SDK2: variants seen among roughly 807,000 people sequenced by gnomAD.
The protein encoded by SDK2 is protein sidekick-2.
Under a neutral mutation model 253.9 loss-of-function variants are expected in SDK2, and 105 were observed. The observed-to-expected ratio is 0.41, with a 90% CI of 0.35 to 0.49. The LOEUF (loss-of-function observed/expected upper bound fraction) is 0.49. Ranked by LOEUF, SDK2 falls within the 20% of genes least tolerant of loss-of-function variation. The probability of loss-of-function intolerance (pLI) is 0.06; values close to 1 mark genes in which losing one functional copy is unlikely to be tolerated. For missense variants in SDK2, 2,608 were observed against 3,003.0 expected (o/e 0.87, Z 3.07); for synonymous variants, 1,249 against 1,234.9 (o/e 1.01, Z -0.24).
At chr17:73,630,987 C>T (rs2046262086) in intron 1 of SDK2, among the ~76,000 whole-genome samples, 2 of 152,124 alleles carry the variant, frequency 1.3e-5, no homozygotes, top group Admixed American at 6.5e-5. Context: ...CCAACACCTC[C>T]CTTCTCTGTC....
At chr17:73,499,555 A>T (rs1041990124) in intron 2 of SDK2, among the ~76,000 whole-genome samples, 1 of 152,214 alleles carries the variant, frequency 6.6e-6, no homozygotes, top group African/African-American at 2.4e-5. Flanking sequence ...TCCTGCCTTC[A>T]TGGCCCCCGG....
rs35288553 is a variant in SDK2 at position 73,483,707 on chromosome 17, A to ATTT, written c.225-11492_225-11490dup. ...TTTATATATATATATATATATATATATTTTTTTTTTTTTTTAGTAGAGTTG... is the reference window on the plus strand; with the variant it reads ...TTTATATATATATATATATATATATATTTTTTTTTTTTTTTTTTAGTAGAGTTG... On this transcript the variant is annotated intron_variant, in intron 2 of 44. Transcript: ENST00000392650. Among the ~76,000 whole-genome samples the ATTT allele has an allele frequency of 4.0e-4, 26 of 64,276 alleles. 1 individual carries two copies. The highest frequency in any genetic ancestry group is 4.9e-4 in the Non-Finnish European group (18 of 37,002). 42.2% of individuals were successfully genotyped at this position (64,276 alleles called of 152,430 possible).
chr17:73,594,205 T>C lies in SDK2; in HGVS notation c.64+49820A>G, dbSNP rs117471305. Among the ~76,000 whole-genome samples, 386 of 152,214 alleles carry C rather than the reference T, an allele frequency of 2.5e-3. 6 individuals carry two copies. The South Asian group carries it at 0.036, about 14-fold the overall frequency. ...AGTGTTGGACAGCGGGAAGGCGGCA[T>C]TGATGGGGATTCGTGGGCTGTAGGG... On this transcript the variant is annotated intron_variant, in intron 1 of 44. Coordinates refer to ENST00000392650, the MANE Select transcript of SDK2 (RefSeq NM_001144952.2).
chr17:73,431,693 T>G lies in SDK2; in HGVS notation c.1313-24A>C, dbSNP rs1599560015. On this transcript the variant is annotated intron_variant, in intron 10 of 44. Transcript: ENST00000392650. This position sits in a 1 kb window ranked among gnomAD's most constrained non-coding sequence, Gnocchi z 5.6. ...CCCTGAGGGCAAAACAGGGTGGGGG[T>G]CAGCCTGTAGCCCCCAAGGGCACAC... is the stretch of plus-strand genomic sequence containing the variant. The G allele has an allele frequency of 5.7e-6, 9 of 1,579,538 alleles. No individual in the cohort carries two copies. Among genetic ancestry groups the G allele is most frequent in the Non-Finnish European group, 7.7e-6 (9 of 1,162,020 alleles).
In SDK2 at chr17:73,398,319, C is replaced by T; in HGVS notation, c.3203+1G>A. 3.1e-6 allele frequency: 5 copies of T among 1,612,802 alleles called. No homozygotes were observed. The highest frequency in any genetic ancestry group is 4.2e-6 in the Non-Finnish European group (5 of 1,178,998). On this transcript the variant is annotated splice_donor_variant, in intron 23 of 44. Transcript: ENST00000392650. LOFTEE classifies it high-confidence loss of function. Reference sequence around the variant, plus strand: ...CCTTCTCCCCGGGCCAGTCTCATTACCTGTAGCAGGTGAAGGGGTTGAGGT... The same window carrying T: ...CCTTCTCCCCGGGCCAGTCTCATTATCTGTAGCAGGTGAAGGGGTTGAGGT...
intron 5 of SDK2, among the ~76,000 whole-genome samples, chr17:73,444,674 C>A (rs938066925): frequency 1.3e-5 from 2 of 152,224 alleles, no homozygotes; most frequent in Admixed American, 1.3e-4. Context: ...ATGTGACCCA[C>A]CTGTGCCACC....
At chr17:73,389,178 C>CCTTT (rs1239124187) in intron 29 of SDK2, among the ~76,000 whole-genome samples, 1 of 137,324 alleles carries the variant, frequency 7.3e-6, no homozygotes, top group Non-Finnish European at 1.5e-5. Context: ...GGCTGATATT[C>CCTTT]CTTTCTTTTT....
intron 1 of SDK2, among the ~76,000 whole-genome samples, chr17:73,515,673 G>A (rs2064020325): frequency 6.6e-6 from 1 of 152,216 alleles, no homozygotes; most frequent in Non-Finnish European, 1.5e-5. Flanking sequence ...GGGGCTTCTT[G>A]GGAAGAAGGG....
chr17:73,433,654 G>T, intron 10 of SDK2, 78 bp downstream of exon 10: 2 of 1,104,148 alleles, frequency 1.8e-6, no homozygotes, highest in Non-Finnish European at 2.7e-6. Context: ...ACCCAACCTG[G>T]CTGGCTCCAG....
At position 73,498,580 on chromosome 17, in the gene SDK2, G is replaced by A. The variant is rs535008776; in HGVS notation, c.224+8858C>T. 3.3e-5 allele frequency among the ~76,000 whole-genome samples: 5 copies of A among 152,356 alleles called. No homozygotes were observed. The South Asian group carries it at 1.0e-3, about 32-fold the overall frequency. On this transcript the variant is annotated intron_variant, in intron 2 of 44. Transcript: ENST00000392650. ...TGTTCCTTCACCAGGCTTGGAAGCA[G>A]AAGGCCTGGCACTTGTCTTAACTTT...
At chr17:73,454,640 G>A (rs759908292) in intron 4 of SDK2, among the ~76,000 whole-genome samples, 17 of 152,198 alleles carry the variant, frequency 1.1e-4, no homozygotes, top group Non-Finnish European at 1.9e-4. Context: ...GGTGTGCTTA[G>A]CTCAGTCCTC....
At chr17:73,439,842 A>G (rs2063399956) in intron 6 of SDK2, among the ~76,000 whole-genome samples, 1 of 152,114 alleles carries the variant, frequency 6.6e-6, no homozygotes, top group African/African-American at 2.4e-5. Flanking sequence ...CTCAGCTATC[A>G]TCCAGCTGGG....
At chr17:73,357,590 C>G in intron 40 of SDK2, 1 of 267,670 alleles carries the variant, frequency 3.7e-6, no homozygotes, top group Non-Finnish European at 7.2e-6. Flanking sequence ...ACTGACTTAT[C>G]TGTCACTCAT....
chr17:73,600,125 G>C (rs904865242), intron 1 of SDK2, among the ~76,000 whole-genome samples: 11 of 152,164 alleles, frequency 7.2e-5, no homozygotes, highest in African/African-American at 2.2e-4. Context: ...GGACAGGAGG[G>C]GACCTGGTCC....
chr17:73,462,995 G>T (rs933011473), intron 3 of SDK2, among the ~76,000 whole-genome samples: 2 of 152,208 alleles, frequency 1.3e-5, no homozygotes, highest in African/African-American at 2.4e-5. Flanking sequence ...GCAGCAAGAG[G>T]CTGCTAAGAG....
chr17:73,438,187 C>CA (rs1423587804), intron 6 of SDK2, 33 bp from the exon 7 acceptor site: 7 of 1,530,678 alleles, frequency 4.6e-6, no homozygotes, highest in Non-Finnish European at 6.2e-6. Flanking sequence ...AGTGTTCAGC[C>CA]ATGAGGACTC....
chr17:73,604,010 T>C (rs2045875013), intron 1 of SDK2, among the ~76,000 whole-genome samples: 1 of 152,162 alleles, frequency 6.6e-6, no homozygotes, highest in African/African-American at 2.4e-5. Flanking sequence ...AGGAGGACAA[T>C]GCCTGTCTCA....
chr17:73,549,115 G>C (rs1352279140), intron 1 of SDK2, among the ~76,000 whole-genome samples: 2 of 152,230 alleles, frequency 1.3e-5, no homozygotes, highest in Non-Finnish European at 1.5e-5. Context: ...GGCTGATAAA[G>C]GAACAATTTC....
chr17:73,337,339 T>C lies in SDK2; in HGVS notation c.*1248A>G, dbSNP rs2062388553. The C allele has an allele frequency of 6.6e-6, 1 of 152,346 alleles. No homozygotes were observed. Among genetic ancestry groups the C allele is most frequent in the Non-Finnish European group, 1.5e-5 (1 of 68,152 alleles). 9.4% of individuals were successfully genotyped at this position (152,346 alleles called of 1,614,324 possible). A position where few individuals can be genotyped will look rare whatever the true frequency, so the allele number is the denominator to read the frequency against. On this transcript the variant is annotated 3_prime_UTR_variant, in exon 45 of 45. Coordinates refer to ENST00000392650, the MANE Select transcript of SDK2 (RefSeq NM_001144952.2). ...TATTCCAGCCTCTGGACCAGGGACT[T>C]GGGCCACCCCTCTGGGCTCCTGTGC...
Sources: allele counts gnomAD v4.1 joint callset (sites outside exome capture counted in the v4.1 genomes callset), GRCh38; gene constraint gnomAD v4.1.1; non-coding constraint Gnocchi (gnomAD v3.1); transcripts MANE v1.5; gene names NCBI Gene and HGNC (gene_info 2026-07-23, HGNC 2026-07-21).